The following DPEP1 variants were observed in gnomAD, a reference collection of about 807,000 sequenced individuals.
The protein encoded by DPEP1 is dipeptidase 1, also known as beta-lactamase.
In DPEP1, 50 loss-of-function variants were observed where a neutral mutation model predicts 42.3. The observed-to-expected ratio is 1.18, with a 90% CI of 0.94 to 1.50. The LOEUF (loss-of-function observed/expected upper bound fraction) is 1.50, where lower values mean the gene tolerates loss of function less well. Among genes scored for constraint, DPEP1 ranks in the 40% most tolerant of loss-of-function variants. The pLI is 0.00. For synonymous variants in DPEP1, 297 were observed against 234.0 expected (o/e 1.27, Z -2.46); for missense variants, 663 against 553.0 (o/e 1.20, Z -1.99).
At chr16:89,617,658 G>A (rs111228579) in intron 1 of DPEP1, among the ~76,000 whole-genome samples, 24 of 122,264 alleles carry the variant, frequency 2.0e-4, no homozygotes, top group African/African-American at 2.7e-4. Flanking sequence ...TTGGGAGGCC[G>A]GGCGCGGCGG....
chr16:89,623,087 A>G (rs868599674), intron 1 of DPEP1, among the ~76,000 whole-genome samples: 3 of 152,000 alleles, frequency 2.0e-5, no homozygotes, highest in Admixed American at 6.5e-5. Flanking sequence ...ACCCCCACAC[A>G]GCCAGAGGAA....
chr16:89,630,048 C>T (rs901076852), intron 1 of DPEP1, among the ~76,000 whole-genome samples: 5 of 152,282 alleles, frequency 3.3e-5, no homozygotes, highest in African/African-American at 1.2e-4. Flanking sequence ...CAGCCACTCA[C>T]CACTCATCTG....
intron 1 of DPEP1, among the ~76,000 whole-genome samples, chr16:89,627,058 G>A (rs973722805): frequency 6.7e-6 from 1 of 149,268 alleles, no homozygotes; most frequent in Admixed American, 6.7e-5. Flanking sequence ...TCAGGAGATC[G>A]AGACCATCCT....
At chr16:89,640,288 C>T (rs1027108420), downstream of DPEP1, among the ~76,000 whole-genome samples, 28 of 152,318 alleles carry the variant, frequency 1.8e-4, no homozygotes, top group Admixed American at 1.6e-3. Flanking sequence ...CCTCAGCTTC[C>T]GTTAGGAAGT....
intron 2 of DPEP1, among the ~76,000 whole-genome samples, chr16:89,634,667 TCCC>T: frequency 2.6e-5 from 1 of 38,256 alleles, no homozygotes; most frequent in Admixed American, 2.3e-4. Context: ...TCCCCTTCCT[TCCC>T]TTTCCCCTTC....
chr16:89,628,496 G>A (rs1786067253), intron 1 of DPEP1, among the ~76,000 whole-genome samples: 1 of 151,700 alleles, frequency 6.6e-6, no homozygotes, highest in Non-Finnish European at 1.5e-5. Flanking sequence ...GACCTCAGGT[G>A]ATCCGCCCGC....
chr16:89,615,317 T>C (rs1207489153), intron 1 of DPEP1, among the ~76,000 whole-genome samples: 1 of 152,128 alleles, frequency 6.6e-6, no homozygotes, highest in Non-Finnish European at 1.5e-5. Context: ...GGGCTGAGGC[T>C]CCCAGCTCCC....
intron 2 of DPEP1, among the ~76,000 whole-genome samples, chr16:89,632,014 A>T (rs1265351111): frequency 1.3e-5 from 2 of 152,056 alleles, no homozygotes; most frequent in Non-Finnish European, 2.9e-5. Flanking sequence ...GAAAAAGGAC[A>T]AGCAGCAGGT....
chr16:89,629,742 C>T (rs982662087), intron 1 of DPEP1, among the ~76,000 whole-genome samples: 4 of 152,212 alleles, frequency 2.6e-5, no homozygotes, highest in Non-Finnish European at 5.9e-5. Context: ...TGTCTAGCTG[C>T]TTGGCCTGAA....
At chr16:89,628,405 G>C (rs1236152196) in intron 1 of DPEP1, among the ~76,000 whole-genome samples, 5 of 150,358 alleles carry the variant, frequency 3.3e-5, no homozygotes, top group African/African-American at 1.2e-4. Context: ...TTACAGGCAT[G>C]CACCACCATG....
intron 2 of DPEP1, among the ~76,000 whole-genome samples, chr16:89,635,690 G>A (rs954195501): frequency 2.6e-5 from 4 of 152,164 alleles, no homozygotes; most frequent in Non-Finnish European, 4.4e-5. Flanking sequence ...CTCCTGGCTC[G>A]GGGTTCCCTG....
downstream of DPEP1, chr16:89,640,755 G>A: frequency 2.1e-6 from 1 of 477,732 alleles, no homozygotes; most frequent in Non-Finnish European, 2.7e-6. Context: ...GGTCCTACAG[G>A]GTCTGTAGGT....
chr16:89,625,390 C>T (rs7197490), intron 1 of DPEP1, among the ~76,000 whole-genome samples: 7,965 of 152,234 alleles, frequency 0.052, 359 homozygotes, highest in African/African-American at 0.13. Context: ...GAACTCATTA[C>T]CTCCAGAACT....
chr16:89,633,622 C>G (rs968657142), intron 2 of DPEP1, among the ~76,000 whole-genome samples: 1 of 152,236 alleles, frequency 6.6e-6, no homozygotes, highest in Non-Finnish European at 1.5e-5. Flanking sequence ...AGGAAAGCAC[C>G]AAGACACCCT....
intron 1 of DPEP1, among the ~76,000 whole-genome samples, chr16:89,624,723 C>T (rs1007792384): frequency 2.6e-5 from 4 of 151,916 alleles, no homozygotes; most frequent in Admixed American, 2.0e-4. Flanking sequence ...TTAGTTGAGA[C>T]GGGGTTTTTC....
chr16:89,632,130 A>G (rs969481374), intron 2 of DPEP1, among the ~76,000 whole-genome samples: 7 of 151,982 alleles, frequency 4.6e-5, no homozygotes, highest in Non-Finnish European at 8.8e-5. Flanking sequence ...GCTCGCTGCA[A>G]CCTCTGCCTC....
intron 1 of DPEP1, among the ~76,000 whole-genome samples, chr16:89,625,380 G>A (rs933047251): frequency 1.3e-5 from 2 of 152,106 alleles, no homozygotes; most frequent in African/African-American, 2.4e-5. Context: ...TCTTCCCAAC[G>A]AACTCATTAC....
chr16:89,625,090 C>T (rs1378754305), intron 1 of DPEP1, among the ~76,000 whole-genome samples: 1 of 152,126 alleles, frequency 6.6e-6, no homozygotes, highest in Non-Finnish European at 1.5e-5. Context: ...TGTTAATTGG[C>T]CCTGGGTTCC....
At chr16:89,620,470 C>T (rs560815170) in intron 1 of DPEP1, 1 of 152,312 alleles carries the variant, frequency 6.6e-6, no homozygotes, top group African/African-American at 2.4e-5. Context: ...CCTGCCTGGC[C>T]TGGGACCGAG....
Sources: gnomAD v4.1 joint callset for allele counts (sites outside exome capture counted in the v4.1 genomes callset) on GRCh38, gnomAD v4.1.1 for gene constraint, MANE v1.5 for transcripts, NCBI Gene and HGNC (gene_info 2026-07-23, HGNC 2026-07-21) for gene names.